The following TRUB1 variants were observed in gnomAD, a reference collection of about 807,000 sequenced individuals.
TRUB1 encodes the protein TruB pseudouridine synthase family member 1.
TRUB1 carries 23 observed loss-of-function variants against 33.9 expected under a neutral mutation model. The observed-to-expected ratio is 0.68, with a 90% confidence interval of 0.49 to 0.96. TRUB1 has a LOEUF of 0.96. TRUB1 is among the 40% of genes least tolerant of loss of function. The pLI, the probability that TRUB1 is intolerant of heterozygous loss-of-function variation, is 0.00. For synonymous variants in TRUB1, 163 were observed against 165.4 expected (o/e 0.99, Z 0.11); for missense variants, 378 against 422.2 (o/e 0.90, Z 0.92).
At chr10:114,949,166 G>A (rs1353131096) in intron 2 of TRUB1, among the ~76,000 whole-genome samples, 1 of 152,186 alleles carries the variant, frequency 6.6e-6, no homozygotes. Context: ...TTCCTGATGA[G>A]ATTATAAGCT....
chr10:114,950,924 A>G (rs2084232335), intron 2 of TRUB1, among the ~76,000 whole-genome samples, 170 bp from the exon 3 acceptor site: 1 of 152,222 alleles, frequency 6.6e-6, no homozygotes. Context: ...TCTTAGTTGC[A>G]TGACAAGTTC....
At chr10:114,944,695 A>G (rs1417785118) in intron 2 of TRUB1, among the ~76,000 whole-genome samples, 5 of 152,074 alleles carry the variant, frequency 3.3e-5, no homozygotes, top group Non-Finnish European at 7.4e-5. Context: ...TAAAATAGAA[A>G]AAAATCAGGC....
chr10:114,942,036 G>A (rs1017734015), intron 1 of TRUB1, among the ~76,000 whole-genome samples: 3 of 152,026 alleles, frequency 2.0e-5, no homozygotes, highest in African/African-American at 7.3e-5. Context: ...CGCCCGCTTC[G>A]GCCTCTCAAA....
Position 114,959,233 on chromosome 10 carries a change from A to G in TRUB1, c.442-493A>G, listed in dbSNP as rs534490340. On this transcript the variant is annotated intron_variant, in intron 3 of 7. Coordinates refer to ENST00000298746, the MANE Select transcript of TRUB1 (RefSeq NM_139169.5). ...TTTCTACAGATTTAGCTTTTGTTTAATACATGACCTAGTTACTAAGAATTG... is the reference window on the plus strand; with the variant it reads ...TTTCTACAGATTTAGCTTTTGTTTAGTACATGACCTAGTTACTAAGAATTG... Among the ~76,000 whole-genome samples, 106 of 152,358 alleles carry G rather than the reference A, an allele frequency of 7.0e-4. 2 individuals carry two copies. In the South Asian group the frequency reaches 0.022, roughly 31 times the overall value.
chr10:114,970,257 TA>T, intron 4 of TRUB1, 110 bp from the exon 5 acceptor site: 1 of 722,808 alleles, frequency 1.4e-6, no homozygotes, highest in Admixed American at 2.4e-5. Flanking sequence ...TATACTGTAA[TA>T]TATGCTTTTG....
intron 4 of TRUB1, among the ~76,000 whole-genome samples, chr10:114,961,122 T>C (rs1039245301): frequency 2.6e-5 from 4 of 152,108 alleles, no homozygotes; most frequent in Non-Finnish European, 4.4e-5. Context: ...TTGTAGTTTT[T>C]CCATCTCCAA....
intron 7 of TRUB1, 62 bp downstream of exon 7, chr10:114,974,447 G>A: frequency 1.4e-6 from 2 of 1,433,532 alleles, no homozygotes; most frequent in Non-Finnish European, 2.0e-6. Context: ...TCAATTGGAA[G>A]AGGGAATTTT....
intron 2 of TRUB1, among the ~76,000 whole-genome samples, chr10:114,944,161 T>C (rs2084201625): frequency 1.3e-5 from 2 of 152,082 alleles, no homozygotes; most frequent in Non-Finnish European, 2.9e-5. Context: ...CAGTGCCCCC[T>C]TCCCGACATA....
chr10:114,973,664 A>G (rs1273786235), intron 6 of TRUB1, among the ~76,000 whole-genome samples: 2 of 152,212 alleles, frequency 1.3e-5, no homozygotes, highest in Non-Finnish European at 2.9e-5. Context: ...TTCTTAACCA[A>G]TAAACTTGTG....
intron 2 of TRUB1, among the ~76,000 whole-genome samples, chr10:114,947,937 G>T (rs2084218107): frequency 1.3e-5 from 2 of 152,172 alleles, no homozygotes; most frequent in Admixed American, 1.3e-4. Context: ...AAAGATACAG[G>T]TCTTGTAAGA....
At position 114,938,692 on chromosome 10, in the gene TRUB1, C is replaced by T. The variant is rs1013241317; in HGVS notation, c.286+153C>T. Among the ~76,000 whole-genome samples, 3 of 152,298 alleles carry T rather than the reference C, an allele frequency of 2.0e-5. No homozygotes were observed. The East Asian group carries it at 5.8e-4, about 29-fold the overall frequency. On this transcript the variant is annotated intron_variant, in intron 1 of 7. Transcript: ENST00000298746. Reference sequence around the variant, plus strand: ...CTCTGGACAGGAATCTCGGGCATCTCGGGCTTGGACTTGCCCTGGCACGAA... The same window carrying T: ...CTCTGGACAGGAATCTCGGGCATCTTGGGCTTGGACTTGCCCTGGCACGAA...
chr10:114,970,321 T>C, intron 4 of TRUB1, 47 bp from the exon 5 acceptor site: 2 of 1,336,092 alleles, frequency 1.5e-6, no homozygotes, highest in South Asian at 1.2e-5. Flanking sequence ...AAATAGTACA[T>C]GTACTTCTGT....
At chr10:114,965,942 G>T (rs1267565598) in intron 4 of TRUB1, among the ~76,000 whole-genome samples, 1 of 152,052 alleles carries the variant, frequency 6.6e-6, no homozygotes. Flanking sequence ...GCTCAGCCAT[G>T]ATGTCCCACC....
At chr10:114,966,917 C>T (rs1034670838) in intron 4 of TRUB1, among the ~76,000 whole-genome samples, 1 of 152,184 alleles carries the variant, frequency 6.6e-6, no homozygotes, top group Non-Finnish European at 1.5e-5. Flanking sequence ...GCTTCTAAAG[C>T]ATGACTTTTC....
rs1208450124 is a variant in TRUB1 at position 114,977,629 on chromosome 10, T to G, written c.*2250T>G. 6.6e-6 allele frequency: 1 copy of G among 152,074 alleles called. No individual in the cohort carries two copies. Among genetic ancestry groups the G allele is most frequent in the Non-Finnish European group, 1.5e-5 (1 of 67,932 alleles). The allele number at this position is 152,074 out of a possible 1,614,324, so 9.4% of individuals were successfully genotyped here. ...CTGATTTGCTTTTATGTGATTTATC[T>G]GTATACTTTGTTCATTTATATAAAT... On this transcript the variant is annotated 3_prime_UTR_variant, in exon 8 of 8. Coordinates refer to ENST00000298746, the MANE Select transcript of TRUB1 (RefSeq NM_139169.5).
At chr10:114,960,844 C>T (rs1489974479) in intron 4 of TRUB1, among the ~76,000 whole-genome samples, 5 of 152,122 alleles carry the variant, frequency 3.3e-5, no homozygotes, top group East Asian at 1.9e-4. Context: ...AATAGGAGGA[C>T]GTCAGAGACT....
At chr10:114,945,998 G>GT (rs1213834041) in intron 2 of TRUB1, among the ~76,000 whole-genome samples, 1 of 152,192 alleles carries the variant, frequency 6.6e-6, no homozygotes, top group Non-Finnish European at 1.5e-5. Context: ...GAGAGAGAAA[G>GT]TTTAAAAAAT....
At chr10:114,963,868 T>A (rs2084294998) in intron 4 of TRUB1, among the ~76,000 whole-genome samples, 1 of 152,180 alleles carries the variant, frequency 6.6e-6, no homozygotes, top group Non-Finnish European at 1.5e-5. Context: ...AGTTTGGGGC[T>A]TTGTGAATAA....
At chr10:114,966,263 G>T (rs1564701220) in intron 4 of TRUB1, among the ~76,000 whole-genome samples, 1 of 152,046 alleles carries the variant, frequency 6.6e-6, no homozygotes, top group Non-Finnish European at 1.5e-5. Context: ...CCTTTCTGTG[G>T]TTGCCTTGAA....
Sources: gnomAD v4.1 joint callset for allele counts (sites outside exome capture counted in the v4.1 genomes callset) on GRCh38, gnomAD v4.1.1 for gene constraint, MANE v1.5 for transcripts, NCBI Gene and HGNC (gene_info 2026-07-23, HGNC 2026-07-21) for gene names.